Variants in PRKN observed in about 807,000 individuals in gnomAD.
PRKN encodes parkin RBR E3 ubiquitin protein ligase.
In PRKN, 56 loss-of-function variants were observed where a neutral mutation model predicts 59.5. That is an observed-to-expected ratio of 0.94 (90% CI 0.76 to 1.18). The LOEUF is 1.18. Among genes scored for constraint, PRKN ranks in the 50% most tolerant of loss-of-function variants. The pLI, the probability that PRKN is intolerant of heterozygous loss-of-function variation, is 0.00. For synonymous variants in PRKN, 250 were observed against 222.1 expected (o/e 1.13, Z -1.12); for missense variants, 657 against 596.4 (o/e 1.10, Z -1.06).
Position 161,459,030 on chromosome 6 carries a change from G to A in PRKN, c.1084-72153C>T, listed in dbSNP as rs117799289. ...GATAGTATCCAGGAGGGATTTTAAG[G>A]CAAGGCTGAGCTTTCTAAAGCTACA... On this transcript the variant is annotated intron_variant, in intron 9 of 11. Coordinates refer to ENST00000366898, the MANE Select transcript of PRKN (RefSeq NM_004562.3). This position sits in a 1 kb window ranked among gnomAD's most constrained non-coding sequence, Gnocchi z 4.8. Among the ~76,000 whole-genome samples, 92 of 152,234 alleles carry A rather than the reference G, an allele frequency of 6.0e-4. No individual in the cohort carries two copies. The highest frequency in any genetic ancestry group is 1.2e-3 in the Non-Finnish European group (80 of 68,010).
intron 1 of PRKN, among the ~76,000 whole-genome samples, chr6:162,555,988 A>AC (rs1412706684): frequency 2.5e-4 from 38 of 151,160 alleles, no homozygotes; most frequent in Admixed American, 7.9e-4. Flanking sequence ...TCTCAAAAAA[A>AC]AAAAAAAAAA....
chr6:161,685,627 C>T (rs1251747687), intron 7 of PRKN, among the ~76,000 whole-genome samples: 1 of 152,148 alleles, frequency 6.6e-6, no homozygotes, highest in Non-Finnish European at 1.5e-5. Flanking sequence ...AATTGTGCAG[C>T]CCGGTTCCTA....
At chr6:161,807,352 T>C (rs752497093) in intron 6 of PRKN, among the ~76,000 whole-genome samples, 10 of 152,022 alleles carry the variant, frequency 6.6e-5, no homozygotes, top group Non-Finnish European at 1.2e-4. Flanking sequence ...CACATGCATA[T>C]ACACAAACAC....
intron 9 of PRKN, among the ~76,000 whole-genome samples, chr6:161,516,310 C>T (rs936090198): frequency 2.7e-5 from 4 of 150,422 alleles, no homozygotes; most frequent in Non-Finnish European, 5.9e-5. Context: ...AAAAACAATC[C>T]GCAAAAATTA....
rs1225297626 is a variant in PRKN, at chr6:162,010,464, T to A, written c.619-37047A>T. Among the ~76,000 whole-genome samples, 4 of 76,628 alleles carry A rather than the reference T, an allele frequency of 5.2e-5. 1 individual carries two copies. The East Asian group carries it at 1.4e-3, about 27-fold the overall frequency. The allele number at this position is 76,628 out of a possible 152,430, so 50.3% of individuals were successfully genotyped here. A position where few individuals can be genotyped will look rare whatever the true frequency, so the allele number is the denominator to read the frequency against. On this transcript the variant is annotated intron_variant, in intron 5 of 11. Transcript: ENST00000366898. ...TTTATGATATATAATGTATTTATAATATATATTATATAATGTATTTATAAT... is the reference window on the plus strand; with the variant it reads ...TTTATGATATATAATGTATTTATAAAATATATTATATAATGTATTTATAAT...
chr6:162,646,575 T>C (rs1032399646), intron 1 of PRKN, among the ~76,000 whole-genome samples: 2 of 152,178 alleles, frequency 1.3e-5, no homozygotes, highest in Non-Finnish European at 2.9e-5. Flanking sequence ...TGAGCCACCA[T>C]GCCCAGCTGA....
chr6:162,471,828 C>A (rs1269480393), intron 1 of PRKN, among the ~76,000 whole-genome samples: 1 of 152,130 alleles, frequency 6.6e-6, no homozygotes, highest in Non-Finnish European at 1.5e-5. Flanking sequence ...TATTCTAGTA[C>A]TAAAATTATT....
intron 11 of PRKN, among the ~76,000 whole-genome samples, 159 bp from the exon 12 acceptor site, chr6:161,350,370 T>A (rs924061236): frequency 3.3e-5 from 5 of 151,860 alleles, no homozygotes; most frequent in South Asian, 4.1e-4. Context: ...AAAAACTTCA[T>A]AAAGCACAAT....
intron 7 of PRKN, among the ~76,000 whole-genome samples, chr6:161,733,526 A>C (rs1028759991): frequency 6.6e-6 from 1 of 152,074 alleles, no homozygotes; most frequent in Non-Finnish European, 1.5e-5. Flanking sequence ...CAAACCACCT[A>C]GGAGATAAAA....
intron 6 of PRKN, among the ~76,000 whole-genome samples, chr6:161,888,715 C>A (rs1015286748): frequency 6.6e-6 from 1 of 152,054 alleles, no homozygotes; most frequent in African/African-American, 2.4e-5. Context: ...CACTTCATAC[C>A]CTCAGCTCAA....
chr6:161,706,513 C>G (rs1786502523), intron 7 of PRKN, among the ~76,000 whole-genome samples: 1 of 152,200 alleles, frequency 6.6e-6, no homozygotes, highest in Admixed American at 6.5e-5. Context: ...TAGGATGCAA[C>G]TGGCACGCAG....
chr6:161,660,346 T>G (rs1784497916), intron 7 of PRKN, among the ~76,000 whole-genome samples: 1 of 152,158 alleles, frequency 6.6e-6, no homozygotes, highest in Admixed American at 6.5e-5. Flanking sequence ...TCAAGGTTAT[T>G]GCAATAACTC....
At chr6:162,556,828 T>C (rs1779626817) in intron 1 of PRKN, among the ~76,000 whole-genome samples, 1 of 151,448 alleles carries the variant, frequency 6.6e-6, no homozygotes, top group South Asian at 2.1e-4. Flanking sequence ...ATTGCATCTG[T>C]GAGGGAACCT....
At chr6:162,509,087 G>T (rs1464056590) in intron 1 of PRKN, among the ~76,000 whole-genome samples, 2 of 152,168 alleles carry the variant, frequency 1.3e-5, no homozygotes, top group African/African-American at 4.8e-5. Context: ...ATGATGCTTT[G>T]CAGATATCAT....
chr6:162,561,400 T>C (rs9346922), intron 1 of PRKN, among the ~76,000 whole-genome samples: 46,530 of 151,628 alleles, frequency 0.31, 7,571 homozygotes, highest in East Asian at 0.49. Flanking sequence ...GACAAGATGG[T>C]AGAATAGAAA....
At chr6:162,372,548 G>A (rs1785824526) in intron 2 of PRKN, among the ~76,000 whole-genome samples, 1 of 152,032 alleles carries the variant, frequency 6.6e-6, no homozygotes, top group Admixed American at 6.6e-5. Context: ...AGAGACACTG[G>A]GGACTACTAG....
intron 4 of PRKN, among the ~76,000 whole-genome samples, chr6:162,104,234 A>G (rs1205840791): frequency 6.6e-6 from 1 of 152,126 alleles, no homozygotes; most frequent in Non-Finnish European, 1.5e-5. Context: ...ATCCAGGTAA[A>G]ACATGAGAAC....
At position 161,428,036 on chromosome 6, in the gene PRKN, C is replaced by T. The variant is rs1404990848; in HGVS notation, c.1084-41159G>A. ...ACTTGCATGGTTGCAGAAGGAAGCTCGCTGCAGTCTGAGTGTGTCTCCGTG... is the reference window on the plus strand; with the variant it reads ...ACTTGCATGGTTGCAGAAGGAAGCTTGCTGCAGTCTGAGTGTGTCTCCGTG... On this transcript the variant is annotated intron_variant, in intron 9 of 11. Coordinates refer to ENST00000366898, the MANE Select transcript of PRKN (RefSeq NM_004562.3). This position sits in a 1 kb window ranked among gnomAD's most constrained non-coding sequence, Gnocchi z 4.0. Among the ~76,000 whole-genome samples the T allele has an allele frequency of 3.9e-5, 6 of 152,116 alleles. No individual in the cohort carries two copies. Among genetic ancestry groups the T allele is most frequent in the East Asian group, 1.9e-4 (1 of 5,202 alleles).
intron 7 of PRKN, among the ~76,000 whole-genome samples, chr6:161,707,343 G>T (rs949697978): frequency 1.3e-5 from 2 of 152,158 alleles, no homozygotes; most frequent in South Asian, 4.1e-4. Flanking sequence ...CATCATAATT[G>T]TGCGTTGAGG....
Sources: allele counts gnomAD v4.1 joint callset (sites outside exome capture counted in the v4.1 genomes callset), GRCh38; gene constraint gnomAD v4.1.1; non-coding constraint Gnocchi (gnomAD v3.1); transcripts MANE v1.5; gene names NCBI Gene and HGNC (gene_info 2026-07-23, HGNC 2026-07-21).